The following KIAA1217 variants were observed in gnomAD, a reference collection of about 807,000 sequenced individuals.
KIAA1217 encodes KIAA1217.
Under a neutral mutation model 163.9 loss-of-function variants are expected in KIAA1217, and 88 were observed. The ratio of observed to expected loss-of-function variants is 0.54; its 90% confidence interval spans 0.45 to 0.64. The LOEUF (loss-of-function observed/expected upper bound fraction) is 0.64, where lower values mean the gene tolerates loss of function less well. KIAA1217 is among the 30% of genes least tolerant of loss of function. The probability of loss-of-function intolerance (pLI) is 0.00; values close to 1 mark genes in which losing one functional copy is unlikely to be tolerated. For synonymous variants in KIAA1217, 903 were observed against 923.1 expected (o/e 0.98, Z 0.39); for missense variants, 2,372 against 2,475.0 (o/e 0.96, Z 0.88).
intron 2 of KIAA1217, among the ~76,000 whole-genome samples, chr10:24,020,962 A>G (rs1386443763): frequency 1.3e-5 from 2 of 152,066 alleles, no homozygotes; most frequent in Non-Finnish European, 2.9e-5. Context: ...AGGAAAGTCT[A>G]CCTGCAACCT....
At chr10:24,499,236 G>C (rs2067202903) in intron 8 of KIAA1217, among the ~76,000 whole-genome samples, 1 of 152,204 alleles carries the variant, frequency 6.6e-6, no homozygotes, top group African/African-American at 2.4e-5. Flanking sequence ...GGAAGGCACT[G>C]TTAACTCTAA....
intron 1 of KIAA1217, among the ~76,000 whole-genome samples, chr10:23,752,392 G>A (rs1839785055): frequency 6.6e-6 from 1 of 152,146 alleles, no homozygotes; most frequent in Non-Finnish European, 1.5e-5. Context: ...CAAATTATTT[G>A]TGAGCTCCAA....
chr10:24,315,794 T>C (rs1036129110), intron 2 of KIAA1217, among the ~76,000 whole-genome samples: 1 of 152,028 alleles, frequency 6.6e-6, no homozygotes, highest in African/African-American at 2.4e-5. Flanking sequence ...AATCCACTAA[T>C]GGAAGTCATC....
intron 1 of KIAA1217, among the ~76,000 whole-genome samples, chr10:23,990,911 A>G (rs12263024): frequency 2.2e-3 from 339 of 152,320 alleles, no homozygotes; most frequent in African/African-American, 8.0e-3. Flanking sequence ...AGAACGTTGG[A>G]GAACAACCTA....
chr10:24,210,035 A>T (rs1427295348), intron 1 of KIAA1217, among the ~76,000 whole-genome samples: 2 of 152,034 alleles, frequency 1.3e-5, no homozygotes, highest in East Asian at 3.9e-4. Flanking sequence ...ATTCTGTGGG[A>T]TCCTATAGGC....
chr10:23,916,410 A>T (rs1006140516), intron 1 of KIAA1217, among the ~76,000 whole-genome samples: 6 of 152,186 alleles, frequency 3.9e-5, no homozygotes, highest in African/African-American at 1.4e-4. Flanking sequence ...CCTTTTCTGC[A>T]ATCCCACCTC....
intron 1 of KIAA1217, among the ~76,000 whole-genome samples, chr10:23,758,482 T>C (rs1471794603): frequency 6.6e-6 from 1 of 152,148 alleles, no homozygotes; most frequent in Admixed American, 6.5e-5. Context: ...AATCAGCAAG[T>C]GTGAGTCTTC....
chr10:24,394,372 A>C (rs1415723637), intron 3 of KIAA1217, among the ~76,000 whole-genome samples: 1 of 152,176 alleles, frequency 6.6e-6, no homozygotes, highest in Non-Finnish European at 1.5e-5. Flanking sequence ...CCTATAATAT[A>C]AAGCTAAACA....
intron 1 of KIAA1217, among the ~76,000 whole-genome samples, chr10:23,750,345 C>G (rs142575568): frequency 6.6e-6 from 1 of 152,142 alleles, no homozygotes; most frequent in Admixed American, 6.5e-5. Context: ...TCTTGCTGTC[C>G]TTCTCTCTAC....
chr10:24,366,932 CATGTCTT>C (rs1039184510), intron 2 of KIAA1217, among the ~76,000 whole-genome samples: 12 of 152,206 alleles, frequency 7.9e-5, no homozygotes, highest in African/African-American at 2.9e-4. Context: ...AAGGCTTCAA[CATGTCTT>C]TCTAAAATAT....
In KIAA1217 at chr10:23,902,734, G is replaced by T. The variant is rs74824635; in HGVS notation, c.-320-104491G>T. On this transcript the variant is annotated intron_variant, in intron 1 of 18. Coordinates refer to the KIAA1217 transcript ENST00000376462. ...TGATGGGGTGTTGATGTGCAATTAA[G>T]TTAAGCAAGGAGAAAAGAAACGTGC... Among the ~76,000 whole-genome samples the T allele has an allele frequency of 6.0e-3, 919 of 152,220 alleles. 11 individuals carry two copies. Among genetic ancestry groups the T allele is most frequent in the African/African-American group, 0.021 (864 of 41,552 alleles).
chr10:23,968,616 G>A (rs896067472), intron 1 of KIAA1217, among the ~76,000 whole-genome samples: 4 of 152,150 alleles, frequency 2.6e-5, no homozygotes, highest in East Asian at 1.9e-4. Context: ...ATCCATTAGC[G>A]GTTACTTCCC....
At chr10:24,197,751 C>G (rs966545916) in intron 2 of KIAA1217, among the ~76,000 whole-genome samples, 1 of 152,134 alleles carries the variant, frequency 6.6e-6, no homozygotes, top group Non-Finnish European at 1.5e-5. Flanking sequence ...ATCTCTTTTC[C>G]TGCTTCTCTC....
Position 24,239,697 on chromosome 10 carries a change from T to TTTGTG in KIAA1217, c.354+19789_354+19790insTGTGT, listed in dbSNP as rs1564323754. ...GATGTGTGTGTGTGTGTGTGTGTGT[T>TTTGTG]TGTGTGTGTGTGTGTGTGTGTTCTT... is the stretch of plus-strand genomic sequence containing the variant. On this transcript the variant is annotated intron_variant, in intron 2 of 20. Coordinates refer to ENST00000376454, the MANE Select transcript of KIAA1217 (RefSeq NM_019590.5). Among the ~76,000 whole-genome samples the TTTGTG allele has an allele frequency of 4.9e-3, 394 of 81,074 alleles. 4 individuals are homozygous for TTTGTG. In the East Asian group the frequency reaches 0.12, roughly 24 times the overall value. The allele number at this position is 81,074 out of a possible 152,430, so 53.2% of individuals were successfully genotyped here. A position where few individuals can be genotyped will look rare whatever the true frequency, so the allele number is the denominator to read the frequency against.
At chr10:23,755,923 A>G (rs1158260442) in intron 1 of KIAA1217, among the ~76,000 whole-genome samples, 1 of 152,060 alleles carries the variant, frequency 6.6e-6, no homozygotes, top group Non-Finnish European at 1.5e-5. Context: ...TTTGGTTATT[A>G]TGTGATTCTG....
chr10:24,223,711 C>CTT (rs535787368), intron 2 of KIAA1217, among the ~76,000 whole-genome samples: 30 of 128,478 alleles, frequency 2.3e-4, no homozygotes, highest in South Asian at 1.5e-3. Flanking sequence ...AATCTAGGTT[C>CTT]TTTTTTTTTT....
At chr10:24,296,403 C>T (rs932916649) in intron 2 of KIAA1217, among the ~76,000 whole-genome samples, 2 of 152,150 alleles carry the variant, frequency 1.3e-5, no homozygotes, top group African/African-American at 4.8e-5. Flanking sequence ...TCACTATGCC[C>T]GGCCAGGATC....
At chr10:24,182,281 C>T (rs185935585) in intron 2 of KIAA1217, among the ~76,000 whole-genome samples, 49 of 152,190 alleles carry the variant, frequency 3.2e-4, no homozygotes, top group African/African-American at 8.7e-4. Flanking sequence ...ACTAAAAATA[C>T]GAAAATTAGC....
intron 2 of KIAA1217, among the ~76,000 whole-genome samples, chr10:24,029,339 A>C (rs1468064304): frequency 6.6e-6 from 1 of 152,144 alleles, no homozygotes; most frequent in East Asian, 1.9e-4. Context: ...TGTGAACATG[A>C]GCCTGCAGAC....
Sources: allele counts gnomAD v4.1 joint callset (sites outside exome capture counted in the v4.1 genomes callset), GRCh38; gene constraint gnomAD v4.1.1; transcripts MANE v1.5; gene names NCBI Gene and HGNC (gene_info 2026-07-23, HGNC 2026-07-21).